The following CORO2A variants were observed in gnomAD, a reference collection of about 807,000 sequenced individuals.
CORO2A encodes coronin-2A.
CORO2A carries 47 observed loss-of-function variants against 62.4 expected under a neutral mutation model. The ratio of observed to expected loss-of-function variants is 0.75; its 90% confidence interval spans 0.60 to 0.96. CORO2A has a LOEUF of 0.96. Among genes scored for constraint, CORO2A ranks in the 40% least tolerant of loss-of-function variants. The pLI is 0.00. For missense variants in CORO2A, 610 were observed against 684.1 expected (o/e 0.89, Z 1.21); for synonymous variants, 273 against 268.9 (o/e 1.02, Z -0.15).
At position 98,128,462 on chromosome 9, in the gene CORO2A, C is replaced by G. The variant is rs1827359239; in HGVS notation, c.1080+145G>C. On this transcript the variant is annotated intron_variant, in intron 9 of 11. Transcript: ENST00000375077. Reference sequence around the variant, plus strand: ...CGAGACCCAGGACTCCTGACGCCCACTGATGTCACACTGGCTGTGAGAAAG... The same window carrying G: ...CGAGACCCAGGACTCCTGACGCCCAGTGATGTCACACTGGCTGTGAGAAAG... 3.8e-6 allele frequency: 3 copies of G among 785,264 alleles called. No individual in the cohort carries two copies. The East Asian group carries it at 7.8e-5, about 20-fold the overall frequency. The allele number at this position is 785,264 out of a possible 1,614,324, so 48.6% of individuals were successfully genotyped here.
intron 2 of CORO2A, among the ~76,000 whole-genome samples, chr9:98,143,366 C>G (rs1188179521): frequency 6.6e-6 from 1 of 152,202 alleles, no homozygotes; most frequent in East Asian, 1.9e-4. Context: ...ACAACAGCAT[C>G]ATAGTCATGG....
intron 2 of CORO2A, among the ~76,000 whole-genome samples, chr9:98,154,327 G>A (rs889599631): frequency 2.5e-4 from 23 of 93,288 alleles, no homozygotes; most frequent in African/African-American, 9.1e-4. Context: ...ATGTGTTTGT[G>A]TGTATATATA....
At position 98,174,938 on chromosome 9, in the gene CORO2A, G is replaced by A. The variant is rs183097875; in HGVS notation, c.1-17278C>T. Among the ~76,000 whole-genome samples the A allele has an allele frequency of 8.7e-3, 1,330 of 152,040 alleles. 22 individuals carry two copies. The highest frequency in any genetic ancestry group is 0.04 in the South Asian group (194 of 4,824). ...TGTATACTTAAAAATGGTTAAAATC[G>A]TAAACTTTGCTATGTATATATCACC... On this transcript the variant is annotated intron_variant, in intron 1 of 11. Transcript: ENST00000375077.
chr9:98,131,454 T>C lies in CORO2A; in HGVS notation c.766-395A>G, dbSNP rs1827407954. On this transcript the variant is annotated intron_variant, in intron 6 of 11. Transcript: ENST00000375077. ...GATCCTCTCGCCTCAGTCTCCCAAA[T>C]AGCTGGGATTATAGATATGCACCAC... Among the ~76,000 whole-genome samples, 5 of 151,874 alleles carry C rather than the reference T, an allele frequency of 3.3e-5. No homozygotes were observed. In the South Asian group the frequency reaches 1.0e-3, roughly 32 times the overall value.
At chr9:98,171,880 G>A (rs1588011619) in intron 1 of CORO2A, among the ~76,000 whole-genome samples, 1 of 152,096 alleles carries the variant, frequency 6.6e-6, no homozygotes, top group Non-Finnish European at 1.5e-5. Context: ...ATCAAAGTGT[G>A]TAACTGGGGG....
intron 1 of CORO2A, among the ~76,000 whole-genome samples, chr9:98,172,257 C>G (rs968835774): frequency 7.0e-6 from 1 of 143,354 alleles, no homozygotes; most frequent in Non-Finnish European, 1.5e-5. Flanking sequence ...TACTTCCGAG[C>G]TCAGTCCCAC....
At chr9:98,129,241 C>T (rs968755256) in intron 8 of CORO2A, among the ~76,000 whole-genome samples, 10 of 152,182 alleles carry the variant, frequency 6.6e-5, no homozygotes, top group African/African-American at 2.4e-4. Context: ...GGTTCCCCAT[C>T]TCCATCCCCA....
intron 1 of CORO2A, among the ~76,000 whole-genome samples, chr9:98,192,322 AC>A (rs1828314743): frequency 6.6e-6 from 1 of 152,202 alleles, no homozygotes; most frequent in African/African-American, 2.4e-5. Flanking sequence ...GCCCCTCCCA[AC>A]AACCCCGCGA....
At chr9:98,191,307 G>A (rs1828303338) in intron 1 of CORO2A, among the ~76,000 whole-genome samples, 2 of 152,230 alleles carry the variant, frequency 1.3e-5, no homozygotes, top group Non-Finnish European at 1.5e-5. Flanking sequence ...CTGATGCACA[G>A]GTGGGTTCTG....
intron 5 of CORO2A, 59 bp downstream of exon 5, chr9:98,132,979 T>A (rs1827430350): frequency 1.3e-6 from 2 of 1,584,862 alleles, no homozygotes; most frequent in Non-Finnish European, 1.7e-6. Context: ...AGCCTCTCTC[T>A]GTCCCCACTC....
At position 98,144,601 on chromosome 9, in the gene CORO2A, G is replaced by C. The variant is rs142022784; in HGVS notation, c.202-6913C>G. ...CAGGAAGGAATATACTTTGAGCTCA[G>C]AGGAGAGGCACACAAGAGACCTGGG... On this transcript the variant is annotated intron_variant, in intron 2 of 11. Coordinates refer to ENST00000375077, the MANE Select transcript of CORO2A (RefSeq NM_052820.4). 2.9e-3 allele frequency among the ~76,000 whole-genome samples: 443 copies of C among 152,334 alleles called. 3 individuals carry two copies. The highest frequency in any genetic ancestry group is 0.01 in the African/African-American group (430 of 41,582).
intron 1 of CORO2A, among the ~76,000 whole-genome samples, chr9:98,169,240 T>G (rs1011095404): frequency 6.6e-6 from 1 of 152,090 alleles, no homozygotes; most frequent in Non-Finnish European, 1.5e-5. Context: ...CCAGCACAGA[T>G]GCATCTCTGC....
intron 11 of CORO2A, 123 bp downstream of exon 11, chr9:98,126,426 A>G: frequency 7.7e-7 from 1 of 1,296,862 alleles, no homozygotes; most frequent in Non-Finnish European, 1.1e-6. Context: ...TCAAGTGACT[A>G]GGCCAGGCCA....
chr9:98,152,133 T>TTTG (rs1554744733), intron 2 of CORO2A, among the ~76,000 whole-genome samples: 3 of 149,806 alleles, frequency 2.0e-5, no homozygotes, highest in Non-Finnish European at 4.5e-5. Flanking sequence ...GCTGTTTTTT[T>TTTG]TTTTTGTTTT....
chr9:98,180,377 A>C (rs1828162446), intron 1 of CORO2A, among the ~76,000 whole-genome samples: 1 of 152,064 alleles, frequency 6.6e-6, no homozygotes, highest in East Asian at 1.9e-4. Context: ...GTCTTCCTGC[A>C]AGCATTCCCA....
At chr9:98,163,741 T>TGTGTGAGAGAGA (rs1253283361) in intron 1 of CORO2A, among the ~76,000 whole-genome samples, 1 of 139,544 alleles carries the variant, frequency 7.2e-6, no homozygotes, top group African/African-American at 2.8e-5. Flanking sequence ...TGTGTGTGTG[T>TGTGTGAGAGAGA]GAGAGAGAGA....
intron 8 of CORO2A, among the ~76,000 whole-genome samples, chr9:98,129,447 G>C (rs144075865): frequency 1.3e-5 from 2 of 152,296 alleles, no homozygotes; most frequent in African/African-American, 4.8e-5. Flanking sequence ...ACTGAGGACT[G>C]CTTCCTAGAG....
At chr9:98,177,843 G>C (rs1359653758) in intron 1 of CORO2A, among the ~76,000 whole-genome samples, 3 of 151,834 alleles carry the variant, frequency 2.0e-5, no homozygotes, top group Non-Finnish European at 4.4e-5. Flanking sequence ...CACAGAGTGA[G>C]ATTCATCACT....
At chr9:98,132,932 G>C (rs1372327635) in intron 5 of CORO2A, 106 bp downstream of exon 5, 21 of 1,312,808 alleles carry the variant, frequency 1.6e-5, no homozygotes, top group Non-Finnish European at 2.2e-5. Context: ...TGAAGGCGCA[G>C]CCCAGACGCT....
Sources: allele counts gnomAD v4.1 joint callset (sites outside exome capture counted in the v4.1 genomes callset), GRCh38; gene constraint gnomAD v4.1.1; transcripts MANE v1.5; gene names NCBI Gene and HGNC (gene_info 2026-07-23, HGNC 2026-07-21).